Variants in LIN7A observed in about 807,000 individuals in gnomAD.
LIN7A encodes protein lin-7 homolog A.
In LIN7A, 25 loss-of-function variants were observed where a neutral mutation model predicts 29.8. The ratio of observed to expected loss-of-function variants is 0.84; its 90% CI spans 0.61 to 1.17. The LOEUF (loss-of-function observed/expected upper bound fraction) is 1.17. Among genes scored for constraint, LIN7A ranks in the 50% most tolerant of loss-of-function variants. LIN7A has a pLI of 0.00. For synonymous variants in LIN7A, 118 were observed against 107.5 expected (o/e 1.10, Z -0.60); for missense variants, 239 against 287.0 (o/e 0.83, Z 1.21).
intron 5 of LIN7A, among the ~76,000 whole-genome samples, chr12:80,808,670 T>G (rs1280283934): frequency 6.6e-6 from 1 of 151,832 alleles, no homozygotes; most frequent in Non-Finnish European, 1.5e-5. Flanking sequence ...CACGCCCGGC[T>G]AATTTTTTGT....
At chr12:80,936,212 T>A (rs766109757) in intron 1 of LIN7A, among the ~76,000 whole-genome samples, 7 of 152,190 alleles carry the variant, frequency 4.6e-5, no homozygotes, top group Non-Finnish European at 8.8e-5. Flanking sequence ...ATTTCTGAGG[T>A]CTTTAACTAC....
At chr12:80,834,824 TA>T (rs11351038) in intron 4 of LIN7A, among the ~76,000 whole-genome samples, 20,229 of 152,186 alleles carry the variant, frequency 0.13, 1,644 homozygotes, top group African/African-American at 0.22. Context: ...GAAAATTATA[TA>T]AACCCTTAGA....
intron 2 of LIN7A, among the ~76,000 whole-genome samples, chr12:80,855,760 T>C (rs1873563233): frequency 6.6e-6 from 1 of 152,164 alleles, no homozygotes; most frequent in African/African-American, 2.4e-5. Context: ...CATACTGTAC[T>C]TGATATGACT....
intron 5 of LIN7A, among the ~76,000 whole-genome samples, chr12:80,805,059 T>C (rs1026091909): frequency 1.3e-5 from 2 of 152,342 alleles, no homozygotes; most frequent in Non-Finnish European, 2.9e-5. Context: ...ATTAGTTTAC[T>C]CTTTAAAACA....
chr12:80,881,609 G>T (rs1875039894), intron 2 of LIN7A, among the ~76,000 whole-genome samples: 1 of 145,822 alleles, frequency 6.9e-6, no homozygotes, highest in Non-Finnish European at 1.5e-5. Flanking sequence ...AAAAAGCAAA[G>T]AAAACAAAAT....
intron 4 of LIN7A, among the ~76,000 whole-genome samples, chr12:80,833,281 T>C (rs1872458282): frequency 6.6e-6 from 1 of 152,216 alleles, no homozygotes; most frequent in African/African-American, 2.4e-5. Flanking sequence ...GCAAGATCCT[T>C]GTCAGAAACC....
At chr12:80,832,394 T>C (rs1194951608) in intron 4 of LIN7A, 2 of 399,100 alleles carry the variant, frequency 5.0e-6, no homozygotes, top group East Asian at 1.5e-4. Flanking sequence ...TAGAGACAGA[T>C]TCAATACCAA....
At chr12:80,900,029 C>A (rs1876129148) in intron 1 of LIN7A, among the ~76,000 whole-genome samples, 1 of 151,888 alleles carries the variant, frequency 6.6e-6, no homozygotes, top group South Asian at 2.1e-4. Context: ...GGCCTCCCTC[C>A]TCTAGGTTTT....
At chr12:80,832,893 T>G (rs56197492) in intron 4 of LIN7A, among the ~76,000 whole-genome samples, 59,731 of 151,492 alleles carry the variant, frequency 0.39, 11,861 homozygotes, top group Non-Finnish European at 0.42. Context: ...TCAAAAGGTC[T>G]GGGGACATTT....
intron 2 of LIN7A, among the ~76,000 whole-genome samples, chr12:80,854,761 G>A (rs979729350): frequency 6.6e-5 from 10 of 151,978 alleles, no homozygotes; most frequent in East Asian, 1.9e-4. Flanking sequence ...ATTATACTTC[G>A]AAAGACTGAC....
chr12:80,837,042 A>G (rs950564150), intron 4 of LIN7A, among the ~76,000 whole-genome samples: 2 of 152,124 alleles, frequency 1.3e-5, no homozygotes, highest in Non-Finnish European at 2.9e-5. Flanking sequence ...CAGAAGGAGA[A>G]AAGTCTGAAA....
intron 2 of LIN7A, among the ~76,000 whole-genome samples, chr12:80,885,214 TA>T (rs1854793610): frequency 6.6e-6 from 1 of 152,120 alleles, no homozygotes; most frequent in African/African-American, 2.4e-5. Flanking sequence ...ATTCTCTTAT[TA>T]AAAAATCAAC....
At chr12:80,835,758 T>G (rs1031492749) in intron 4 of LIN7A, among the ~76,000 whole-genome samples, 1 of 152,148 alleles carries the variant, frequency 6.6e-6, no homozygotes, top group Admixed American at 6.5e-5. Flanking sequence ...AAAGAGTAAA[T>G]AAACGTATTA....
chr12:80,877,129 A>AAAAG (rs1874750328), intron 2 of LIN7A, among the ~76,000 whole-genome samples: 1 of 151,648 alleles, frequency 6.6e-6, no homozygotes, highest in Non-Finnish European at 1.5e-5. Flanking sequence ...CTCAAAAAAA[A>AAAAG]AAAAAAAAAG....
At chr12:80,887,417 A>G (rs2120633154) in intron 2 of LIN7A, among the ~76,000 whole-genome samples, 1 of 152,268 alleles carries the variant, frequency 6.6e-6, no homozygotes, top group Admixed American at 6.5e-5. Context: ...TACCATGCTT[A>G]GAAGGAAATC....
Position 80,868,846 on chromosome 12 carries a change from C to A in LIN7A, c.201+20405G>T, listed in dbSNP as rs143495062. On this transcript the variant is annotated intron_variant, in intron 2 of 5. Transcript: ENST00000552864. ...TCTGGGCTGGTTTCAGGTGGGGGGG[C>A]CCATATCAGATATGACTACTCTCAG... 3.6e-3 allele frequency among the ~76,000 whole-genome samples: 545 copies of A among 152,148 alleles called. 7 individuals carry two copies. The highest frequency in any genetic ancestry group is 0.026 in the Admixed American group (393 of 15,280).
At chr12:80,846,450 T>C (rs566732612) in intron 3 of LIN7A, among the ~76,000 whole-genome samples, 6 of 152,324 alleles carry the variant, frequency 3.9e-5, no homozygotes, top group African/African-American at 1.2e-4. Context: ...TGAATACATA[T>C]GTAATCTTGC....
intron 2 of LIN7A, among the ~76,000 whole-genome samples, chr12:80,872,036 A>C (rs1202159738): frequency 6.6e-6 from 1 of 152,140 alleles, no homozygotes; most frequent in Non-Finnish European, 1.5e-5. Context: ...AAGTTGAAGA[A>C]AATATGTTTG....
chr12:80,810,565 C>T (rs762195567), intron 5 of LIN7A, among the ~76,000 whole-genome samples: 28 of 152,148 alleles, frequency 1.8e-4, no homozygotes, highest in Non-Finnish European at 3.8e-4. Flanking sequence ...GGAGTGTAAA[C>T]ATCTCTTTGA....
Sources: allele counts gnomAD v4.1 joint callset (sites outside exome capture counted in the v4.1 genomes callset), GRCh38; gene constraint gnomAD v4.1.1; transcripts MANE v1.5; gene names NCBI Gene and HGNC (gene_info 2026-07-23, HGNC 2026-07-21).